MITF: variants seen among roughly 807,000 people sequenced by gnomAD.
MITF encodes melanocyte inducing transcription factor.
A neutral mutation model predicts 60.5 loss-of-function variants in MITF; 17 were observed. That is an observed-to-expected ratio of 0.28 (90% confidence interval 0.19 to 0.42). The LOEUF (loss-of-function observed/expected upper bound fraction) is 0.42, where lower values mean the gene tolerates loss of function less well. Among genes scored for constraint, MITF ranks in the 10% least tolerant of loss-of-function variants. MITF has a pLI of 1.00. For missense variants in MITF, 622 were observed against 683.5 expected, an observed-to-expected ratio of 0.91 and a Z score of 1.00; for synonymous variants, 260 against 248.5, an observed-to-expected ratio of 1.05 and a Z score of -0.43.
At chr3:69,791,138 A>G (rs564845119) in intron 1 of MITF, among the ~76,000 whole-genome samples, 2 of 152,332 alleles carry the variant, frequency 1.3e-5, no homozygotes, top group South Asian at 4.1e-4. Flanking sequence ...CCTGCAAGTC[A>G]TGTTCTAAAT....
At chr3:69,902,861 A>G (rs373715373) in intron 2 of MITF, among the ~76,000 whole-genome samples, 1 of 151,652 alleles carries the variant, frequency 6.6e-6, no homozygotes, top group East Asian at 1.9e-4. Context: ...TTTTTTTTTA[A>G]GGTAAAATGC....
At chr3:69,905,511 G>A (rs2065080035) in intron 2 of MITF, among the ~76,000 whole-genome samples, 3 of 151,954 alleles carry the variant, frequency 2.0e-5, no homozygotes, top group Admixed American at 6.6e-5. Context: ...GAGTGAAACA[G>A]CTGAATCATA....
intron 2 of MITF, among the ~76,000 whole-genome samples, chr3:69,895,182 T>A (rs1312548309): frequency 6.6e-6 from 1 of 152,156 alleles, no homozygotes; most frequent in Non-Finnish European, 1.5e-5. Context: ...AAAGAAACAT[T>A]AGGTTTATTT....
At chr3:69,771,678 GT>G (rs1285274064) in intron 1 of MITF, among the ~76,000 whole-genome samples, 10 of 152,142 alleles carry the variant, frequency 6.6e-5, no homozygotes, top group Admixed American at 5.9e-4. Context: ...AGTTCTAGTA[GT>G]TTTCCTTTTT....
At chr3:69,785,534 CTT>C (rs2062634500) in intron 1 of MITF, among the ~76,000 whole-genome samples, 1 of 152,220 alleles carries the variant, frequency 6.6e-6, no homozygotes, top group Non-Finnish European at 1.5e-5. Context: ...GTACCATACT[CTT>C]TGACAGAAAT....
intron 1 of MITF, among the ~76,000 whole-genome samples, chr3:69,821,807 A>C (rs1211580606): frequency 6.6e-6 from 1 of 151,848 alleles, no homozygotes; most frequent in Non-Finnish European, 1.5e-5. Context: ...ACTGGAGTGC[A>C]GCGACGTGAT....
chr3:69,965,855 G>A lies in MITF; in HGVS notation c.*607G>A. 4.3e-6 allele frequency: 1 copy of A among 230,516 alleles called. No individual in the cohort carries two copies. The highest frequency in any genetic ancestry group is 8.6e-6 in the Non-Finnish European group (1 of 116,762). The allele number at this position is 230,516 out of a possible 1,614,324, so 14.3% of individuals were successfully genotyped here. A position where few individuals can be genotyped will look rare whatever the true frequency, so the allele number is the denominator to read the frequency against. ...CCTTTTCATGAGGATCGTCTGGTTA[G>A]AAAACATAACTGATACCAACCGAAA... On this transcript the variant is annotated 3_prime_UTR_variant, in exon 10 of 10. Coordinates refer to ENST00000352241, the MANE Select transcript of MITF (RefSeq NM_001354604.2).
chr3:69,750,988 G>A (rs778380447), intron 1 of MITF, among the ~76,000 whole-genome samples: 6 of 152,128 alleles, frequency 3.9e-5, no homozygotes, highest in Non-Finnish European at 7.4e-5. Context: ...AGGATTCTTG[G>A]TTGTATAATG....
intron 1 of MITF, among the ~76,000 whole-genome samples, chr3:69,848,235 G>A (rs779737975): frequency 1.3e-5 from 2 of 152,172 alleles, no homozygotes; most frequent in African/African-American, 2.4e-5. Flanking sequence ...TTTTGTAGAT[G>A]GTGTCAGCAT....
chr3:69,865,891 T>C (rs1222640247), intron 1 of MITF, among the ~76,000 whole-genome samples: 1 of 152,218 alleles, frequency 6.6e-6, no homozygotes, highest in Non-Finnish European at 1.5e-5. Flanking sequence ...CAGTAAGTGT[T>C]GACAATTCAC....
Position 69,965,972 on chromosome 3 carries a change from T to C in MITF, c.*724T>C, listed in dbSNP as rs1002159869. 13 of 231,906 alleles carry C rather than the reference T, an allele frequency of 5.6e-5. No individual in the cohort carries two copies. Among genetic ancestry groups the C allele is most frequent in the Non-Finnish European group, 9.4e-5 (11 of 117,380 alleles). The allele number at this position is 231,906 out of a possible 1,614,324, so 14.4% of individuals were successfully genotyped here. A position where few individuals can be genotyped will look rare whatever the true frequency, so the allele number is the denominator to read the frequency against. On this transcript the variant is annotated 3_prime_UTR_variant, in exon 10 of 10. Coordinates refer to ENST00000352241, the MANE Select transcript of MITF (RefSeq NM_001354604.2). ...TTACAGTTTTCTTCATCAATGAGTG[T>C]GATCCAGTTTTTCATAAGATATTTT...
In MITF at chr3:69,921,978, AG is replaced by A. The variant is rs2065478151; in HGVS notation, c.355-15843del. ...TCCTCACATAGTTATGACAACCAAA[AG>A]TATCTCCAGACATTGCCTAAAATTC... On this transcript the variant is annotated intron_variant, in intron 2 of 9. Coordinates refer to ENST00000352241, the MANE Select transcript of MITF (RefSeq NM_001354604.2). 4.6e-5 allele frequency among the ~76,000 whole-genome samples: 7 copies of A among 152,250 alleles called. 2 individuals carry two copies. In the South Asian group the frequency reaches 1.5e-3, roughly 32 times the overall value.
At chr3:69,926,140 A>C (rs1012532967) in intron 2 of MITF, among the ~76,000 whole-genome samples, 1 of 152,166 alleles carries the variant, frequency 6.6e-6, no homozygotes, top group South Asian at 2.1e-4. Flanking sequence ...CCCAGTCGGA[A>C]AGCACTGCCG....
intron 2 of MITF, among the ~76,000 whole-genome samples, chr3:69,902,602 A>G (rs1452144698): frequency 9.9e-5 from 15 of 152,194 alleles, no homozygotes; most frequent in Non-Finnish European, 1.5e-4. Context: ...ATAGAATAGA[A>G]CCCTTTGAAA....
chr3:69,954,934 A>C (rs2066358784), intron 7 of MITF, among the ~76,000 whole-genome samples: 1 of 152,216 alleles, frequency 6.6e-6, no homozygotes, highest in Non-Finnish European at 1.5e-5. Flanking sequence ...TATTTAGAGT[A>C]ACTATTAACA....
chr3:69,849,345 G>C (rs557538489), intron 1 of MITF, among the ~76,000 whole-genome samples: 1 of 152,102 alleles, frequency 6.6e-6, no homozygotes, highest in Admixed American at 6.5e-5. Flanking sequence ...TTTCAGTTAC[G>C]GTGCTGTTTT....
At chr3:69,936,529 T>A in intron 2 of MITF, 1 of 1,328,126 alleles carries the variant, frequency 7.5e-7, no homozygotes, top group Non-Finnish European at 9.7e-7. Context: ...TGAACGTTTT[T>A]TTTTACATGC....
At chr3:69,750,293 T>C (rs1703882553) in intron 1 of MITF, among the ~76,000 whole-genome samples, 1 of 152,080 alleles carries the variant, frequency 6.6e-6, no homozygotes, top group African/African-American at 2.4e-5. Context: ...TGCACATTGT[T>C]CAAAGTGAAT....
intron 1 of MITF, among the ~76,000 whole-genome samples, chr3:69,759,812 C>G (rs1405641012): frequency 6.6e-6 from 1 of 152,108 alleles, no homozygotes; most frequent in Non-Finnish European, 1.5e-5. Flanking sequence ...AAGTCTCGCT[C>G]TGTCGTCCAG....
Sources: allele counts gnomAD v4.1 joint callset (sites outside exome capture counted in the v4.1 genomes callset), GRCh38; gene constraint gnomAD v4.1.1; transcripts MANE v1.5; gene names NCBI Gene and HGNC (gene_info 2026-07-23, HGNC 2026-07-21).